CTNNA3: variants seen among roughly 807,000 people sequenced by gnomAD.
The protein encoded by CTNNA3 is catenin alpha-3.
A neutral mutation model predicts 95.7 loss-of-function variants in CTNNA3; 76 were observed. The ratio of observed to expected loss-of-function variants is 0.79; its 90% confidence interval spans 0.66 to 0.96. The LOEUF is 0.96. Ranked by LOEUF, CTNNA3 falls within the 40% of genes least tolerant of loss-of-function variation. The pLI is 0.00. For synonymous variants in CTNNA3, 431 were observed against 374.4 expected (o/e 1.15, Z -1.74); for missense variants, 1,191 against 1,089.8 (o/e 1.09, Z -1.31).
At chr10:66,747,415 C>G (rs1440419219) in intron 9 of CTNNA3, among the ~76,000 whole-genome samples, 1 of 152,166 alleles carries the variant, frequency 6.6e-6, no homozygotes, top group Non-Finnish European at 1.5e-5. Flanking sequence ...AATCTTGAGA[C>G]CTGTCTAGCT....
At chr10:66,198,239 T>A (rs903594657) in intron 13 of CTNNA3, among the ~76,000 whole-genome samples, 3 of 152,186 alleles carry the variant, frequency 2.0e-5, no homozygotes, top group African/African-American at 7.2e-5. Context: ...TTTCCTTAAT[T>A]CTATTCTCTT....
intron 5 of CTNNA3, among the ~76,000 whole-genome samples, chr10:67,504,205 A>C (rs12573436): frequency 0.25 from 35,890 of 146,296 alleles, 5,381 homozygotes; most frequent in East Asian, 0.67. Context: ...GTAATCCCAG[A>C]ACTTGAGGAG....
intron 7 of CTNNA3, among the ~76,000 whole-genome samples, chr10:67,149,001 C>T (rs1429092398): frequency 6.6e-6 from 1 of 152,150 alleles, no homozygotes; most frequent in Non-Finnish European, 1.5e-5. Flanking sequence ...ATTCAACATC[C>T]AAATTCAGCC....
upstream of CTNNA3, among the ~76,000 whole-genome samples, chr10:67,697,604 A>G (rs1018581045): frequency 6.6e-6 from 1 of 152,222 alleles, no homozygotes; most frequent in South Asian, 2.1e-4. Flanking sequence ...TGTGAATTAA[A>G]TGGATAAAAG....
At chr10:65,998,708 C>T (rs76641729) in intron 15 of CTNNA3, among the ~76,000 whole-genome samples, 13,867 of 152,184 alleles carry the variant, frequency 0.091, 853 homozygotes, top group Middle Eastern at 0.17. Context: ...AATCTTGGTG[C>T]ATGTCTTATT....
chr10:67,155,948 G>C (rs1035198347), intron 7 of CTNNA3, among the ~76,000 whole-genome samples: 1 of 151,990 alleles, frequency 6.6e-6, no homozygotes, highest in African/African-American at 2.4e-5. Flanking sequence ...GGAAGTTTTT[G>C]ATTACTGATT....
chr10:66,742,318 T>C (rs934155571), intron 9 of CTNNA3, among the ~76,000 whole-genome samples: 4 of 152,196 alleles, frequency 2.6e-5, no homozygotes, highest in Non-Finnish European at 4.4e-5. Flanking sequence ...TAATAAATTT[T>C]GGTCAGACCA....
At chr10:65,976,061 A>G (rs1351164453) in intron 16 of CTNNA3, among the ~76,000 whole-genome samples, 3 of 152,154 alleles carry the variant, frequency 2.0e-5, no homozygotes, top group Non-Finnish European at 4.4e-5. Flanking sequence ...GAGAATATTG[A>G]CAAACAGAGA....
intron 7 of CTNNA3, among the ~76,000 whole-genome samples, chr10:67,017,196 A>G (rs563160948): frequency 6.6e-6 from 1 of 152,332 alleles, no homozygotes; most frequent in South Asian, 2.1e-4. Flanking sequence ...AAGTGTTTTC[A>G]GGTCCATTTA....
intron 12 of CTNNA3, among the ~76,000 whole-genome samples, chr10:66,288,652 T>A (rs1401459836): frequency 6.6e-6 from 1 of 152,122 alleles, no homozygotes; most frequent in African/African-American, 2.4e-5. Flanking sequence ...ATAGTGTAGA[T>A]ATAGCTCAGT....
intron 13 of CTNNA3, among the ~76,000 whole-genome samples, chr10:66,194,716 C>T (rs2086861975): frequency 6.6e-6 from 1 of 152,160 alleles, no homozygotes; most frequent in Admixed American, 6.6e-5. Context: ...GGTGTACATA[C>T]ATTCTATTCT....
intron 7 of CTNNA3, among the ~76,000 whole-genome samples, chr10:67,114,261 T>C (rs1564900033): frequency 6.6e-6 from 1 of 152,080 alleles, no homozygotes; most frequent in Non-Finnish European, 1.5e-5. Context: ...ATTTAATAAG[T>C]TAAAATTTTG....
chr10:67,039,170 C>A (rs1854247939), intron 7 of CTNNA3, among the ~76,000 whole-genome samples: 1 of 152,012 alleles, frequency 6.6e-6, no homozygotes, highest in Admixed American at 6.6e-5. Context: ...TGTTACCATA[C>A]TTAACATTAT....
intron 5 of CTNNA3, among the ~76,000 whole-genome samples, chr10:67,494,768 G>A (rs977982051): frequency 1.3e-5 from 2 of 152,200 alleles, no homozygotes; most frequent in East Asian, 3.9e-4. Flanking sequence ...TTCTTGAACT[G>A]AGAATTACTT....
chr10:67,325,948 G>C (rs904880002), intron 5 of CTNNA3, among the ~76,000 whole-genome samples: 1 of 151,990 alleles, frequency 6.6e-6, no homozygotes, highest in Non-Finnish European at 1.5e-5. Flanking sequence ...GGATCTTCTT[G>C]TTGACTTGAC....
chr10:66,830,670 T>C lies in CTNNA3; in HGVS notation c.1048-55146A>G, dbSNP rs576250348. 2.3e-4 allele frequency among the ~76,000 whole-genome samples: 35 copies of C among 152,026 alleles called. No homozygotes were observed. In the South Asian group the frequency reaches 6.4e-3, roughly 28 times the overall value. On this transcript the variant is annotated intron_variant, in intron 7 of 17. Coordinates refer to ENST00000433211, the MANE Select transcript of CTNNA3 (RefSeq NM_013266.4). Reference sequence around the variant, plus strand: ...TGTTGCCCAGGCTGGAGTGCAGTGGTGCGATCTCGGCTCACCGCAAGCTCC... The same window carrying C: ...TGTTGCCCAGGCTGGAGTGCAGTGGCGCGATCTCGGCTCACCGCAAGCTCC...
chr10:66,765,305 C>T (rs1370220305), intron 9 of CTNNA3, among the ~76,000 whole-genome samples: 1 of 152,166 alleles, frequency 6.6e-6, no homozygotes, highest in African/African-American at 2.4e-5. Flanking sequence ...ATTAGACAGA[C>T]TATTTACAAG....
intron 13 of CTNNA3, among the ~76,000 whole-genome samples, chr10:66,221,407 C>T (rs536951271): frequency 2.0e-5 from 3 of 152,268 alleles, no homozygotes; most frequent in East Asian, 1.9e-4. Context: ...AAGCCAGTTA[C>T]GGTAACTCAG....
chr10:66,996,679 T>C (rs1037131258), intron 7 of CTNNA3, among the ~76,000 whole-genome samples: 6 of 104,944 alleles, frequency 5.7e-5, no homozygotes, highest in Non-Finnish European at 1.0e-4. Context: ...AAAGCATGTT[T>C]GTGTCAATCA....
Sources: gnomAD v4.1 joint callset for allele counts (sites outside exome capture counted in the v4.1 genomes callset) on GRCh38, gnomAD v4.1.1 for gene constraint, MANE v1.5 for transcripts, NCBI Gene and HGNC (gene_info 2026-07-23, HGNC 2026-07-21) for gene names.